FMN2: variants seen among roughly 807,000 people sequenced by gnomAD.
FMN2 encodes formin-2.
FMN2 carries 51 observed loss-of-function variants against 142.3 expected under a neutral mutation model. The ratio of observed to expected loss-of-function variants is 0.36; its 90% CI spans 0.29 to 0.45. The LOEUF (loss-of-function observed/expected upper bound fraction) is 0.45, where lower values mean the gene tolerates loss of function less well. Among genes scored for constraint, FMN2 ranks in the 20% least tolerant of loss-of-function variants. The pLI is 1.00. For synonymous variants in FMN2, 882 were observed against 869.8 expected (o/e 1.01, Z -0.25); for missense variants, 1,936 against 2,122.8 (o/e 0.91, Z 1.73).
intron 2 of FMN2, among the ~76,000 whole-genome samples, chr1:240,155,965 G>A (rs1664008174): frequency 6.6e-6 from 1 of 150,736 alleles, no homozygotes; most frequent in Non-Finnish European, 1.5e-5. Flanking sequence ...AGGGACAGAC[G>A]TGGTGGCTCA....
rs1042441212 is a variant in FMN2, at chr1:240,093,583, C to T, written c.1474C>T (p.Arg492Cys). ...SADWTEELGA[R>C]TPRVGGSAHL... ...TGACTGGACGGAGGAGCTAGGCGCC[C>T]GCACGCCCCGGGTGGGAGGCTCCGC... Residue 492 changes from arginine to cysteine, a missense_variant, in exon 1 of 18, where the codon CGC becomes TGC. Arg to Cys is a radical substitution (Grantham distance 180). Transcript: ENST00000319653. 5.5e-6 allele frequency: 8 copies of T among 1,445,984 alleles called. No homozygotes were observed. The highest frequency in any genetic ancestry group is 2.7e-5 in the East Asian group (1 of 36,782). 89.6% of individuals were successfully genotyped at this position (1,445,984 alleles called of 1,614,324 possible).
chr1:240,231,796 C>T (rs2102848202), intron 6 of FMN2, among the ~76,000 whole-genome samples: 1 of 152,306 alleles, frequency 6.6e-6, no homozygotes, highest in South Asian at 2.1e-4. Context: ...TGTCTTCAAG[C>T]ACTAGAAATA....
intron 14 of FMN2, among the ~76,000 whole-genome samples, chr1:240,375,097 T>A (rs1672999830): frequency 2.6e-5 from 4 of 152,160 alleles, no homozygotes. Context: ...AACAGCCTTT[T>A]GGTGGAGAAG....
chr1:240,438,604 G>T (rs960428001), intron 16 of FMN2, among the ~76,000 whole-genome samples: 5 of 152,310 alleles, frequency 3.3e-5, no homozygotes, highest in South Asian at 2.1e-4. Flanking sequence ...ATGGGATATT[G>T]TCAGTTTACC....
At chr1:240,368,705 T>C (rs10926234) in intron 14 of FMN2, among the ~76,000 whole-genome samples, 47,864 of 151,914 alleles carry the variant, frequency 0.32, 8,595 homozygotes, top group African/African-American at 0.5. Context: ...GTTGTACCTT[T>C]AGTATAATAT....
intron 13 of FMN2, among the ~76,000 whole-genome samples, chr1:240,347,046 T>A (rs1447124162): frequency 6.6e-6 from 1 of 152,200 alleles, no homozygotes; most frequent in Non-Finnish European, 1.5e-5. Flanking sequence ...AGAAAGCTGT[T>A]GAGTACTTAG....
At chr1:240,301,135 G>A (rs563356542) in intron 8 of FMN2, among the ~76,000 whole-genome samples, 1 of 149,040 alleles carries the variant, frequency 6.7e-6, no homozygotes, top group Non-Finnish European at 1.5e-5. Flanking sequence ...TATTTACATG[G>A]TATTTTTTGC....
intron 13 of FMN2, among the ~76,000 whole-genome samples, chr1:240,340,728 A>G (rs890896781): frequency 1.3e-5 from 2 of 152,236 alleles, no homozygotes; most frequent in East Asian, 3.9e-4. Context: ...ATTCTTTTGT[A>G]GATAAGCTGT....
At chr1:240,238,836 ATC>A (rs1421923835) in intron 6 of FMN2, among the ~76,000 whole-genome samples, 1 of 152,222 alleles carries the variant, frequency 6.6e-6, no homozygotes, top group Non-Finnish European at 1.5e-5. Context: ...AAAAATAGCA[ATC>A]TGTTATACTC....
chr1:240,176,815 C>T (rs1358731001), intron 2 of FMN2, among the ~76,000 whole-genome samples: 2 of 152,312 alleles, frequency 1.3e-5, no homozygotes, highest in East Asian at 1.9e-4. Flanking sequence ...TGATCCAACG[C>T]TGAGGCTAAC....
chr1:240,397,868 A>G (rs1296639739), intron 15 of FMN2, among the ~76,000 whole-genome samples: 1 of 151,498 alleles, frequency 6.6e-6, no homozygotes, highest in African/African-American at 2.4e-5. Flanking sequence ...TTTGACCCCA[A>G]AATGGGCACT....
intron 7 of FMN2, among the ~76,000 whole-genome samples, chr1:240,259,409 G>A (rs1018747976): frequency 4.6e-5 from 7 of 151,778 alleles, no homozygotes; most frequent in Admixed American, 2.0e-4. Flanking sequence ...GTAGTTGAAG[G>A]GTCATACAGA....
At chr1:240,338,880 T>A (rs1671654120) in intron 13 of FMN2, among the ~76,000 whole-genome samples, 2 of 152,172 alleles carry the variant, frequency 1.3e-5, no homozygotes, top group South Asian at 4.1e-4. Context: ...AGCCCTAAAC[T>A]TGTTTTTCTG....
intron 8 of FMN2, among the ~76,000 whole-genome samples, chr1:240,298,684 T>C (rs761800502): frequency 3.3e-5 from 5 of 152,120 alleles, no homozygotes; most frequent in Non-Finnish European, 5.9e-5. Flanking sequence ...GCCTGCTCTT[T>C]ATGAGAACCT....
At chr1:240,250,295 G>T (rs188607061) in intron 6 of FMN2, among the ~76,000 whole-genome samples, 18 of 152,002 alleles carry the variant, frequency 1.2e-4, no homozygotes, top group African/African-American at 3.1e-4. Context: ...AATTTTTATC[G>T]TGAAGGGATG....
At chr1:240,445,407 G>A (rs1232055109) in intron 16 of FMN2, among the ~76,000 whole-genome samples, 1 of 152,190 alleles carries the variant, frequency 6.6e-6, no homozygotes, top group Non-Finnish European at 1.5e-5. Context: ...ATTTAGAGAG[G>A]TTGGTCAGAG....
intron 15 of FMN2, among the ~76,000 whole-genome samples, chr1:240,394,239 A>G (rs1381549821): frequency 2.0e-5 from 3 of 152,196 alleles, no homozygotes; most frequent in Non-Finnish European, 4.4e-5. Flanking sequence ...CTCAAAAAAG[A>G]CAAATGTAAC....
At chr1:240,112,779 A>T (rs536190284) in intron 1 of FMN2, among the ~76,000 whole-genome samples, 1 of 152,060 alleles carries the variant, frequency 6.6e-6, no homozygotes, top group African/African-American at 2.4e-5. Context: ...CGTTTTCCTG[A>T]TAAGTGACCC....
At chr1:240,448,912 G>A (rs1439806068) in intron 16 of FMN2, among the ~76,000 whole-genome samples, 1 of 152,132 alleles carries the variant, frequency 6.6e-6, no homozygotes, top group Non-Finnish European at 1.5e-5. Context: ...GGGGGCCAAG[G>A]CGGGTGGATG....
Sources: gnomAD v4.1 joint callset for allele counts (sites outside exome capture counted in the v4.1 genomes callset) on GRCh38, gnomAD v4.1.1 for gene constraint, MANE v1.5 for transcripts, NCBI Gene and HGNC (gene_info 2026-07-23, HGNC 2026-07-21) for gene names.